VOPP1: variants seen among roughly 807,000 people sequenced by gnomAD.
VOPP1 encodes the protein WW domain binding protein VOPP1.
In VOPP1, 8 loss-of-function variants were observed where a neutral mutation model predicts 23.5. The observed-to-expected ratio is 0.34, with a 90% CI of 0.20 to 0.61. The LOEUF is 0.61. VOPP1 is among the 20% of genes least tolerant of loss of function. The probability of loss-of-function intolerance (pLI) is 0.78; values close to 1 mark genes in which losing one functional copy is unlikely to be tolerated. For missense variants in VOPP1, 174 were observed against 238.1 expected (o/e 0.73, Z 1.77); for synonymous variants, 83 against 97.3 (o/e 0.85, Z 0.86).
chr7:55,475,933 T>C (rs1240416413), intron 4 of VOPP1, among the ~76,000 whole-genome samples: 1 of 152,184 alleles, frequency 6.6e-6, no homozygotes, highest in Admixed American at 6.5e-5. Flanking sequence ...AAGGTCACGC[T>C]ACCGCTAGAG....
intron 1 of VOPP1, chr7:55,537,730 C>T (rs1041886648): frequency 6.1e-5 from 86 of 1,402,748 alleles, no homozygotes; most frequent in Non-Finnish European, 7.3e-5. Flanking sequence ...AAGAAGCCAG[C>T]GCTTGTGACA....
chr7:55,445,202 TAC>T (rs1036636091), intron 4 of VOPP1, among the ~76,000 whole-genome samples: 2 of 144,098 alleles, frequency 1.4e-5, no homozygotes, highest in Admixed American at 7.0e-5. Flanking sequence ...TCACTTTCTC[TAC>T]ACACACACAC....
chr7:55,557,152 C>A (rs751077871), intron 1 of VOPP1, among the ~76,000 whole-genome samples: 15 of 152,092 alleles, frequency 9.9e-5, no homozygotes, highest in Admixed American at 5.9e-4. Flanking sequence ...ATATTCTGAC[C>A]CCTTTCATTA....
chr7:55,482,496 T>G (rs866666312), intron 4 of VOPP1, among the ~76,000 whole-genome samples: 13 of 149,554 alleles, frequency 8.7e-5, no homozygotes, highest in African/African-American at 3.0e-4. Flanking sequence ...TTTTTTTTTT[T>G]TTTTTTTTGT....
At chr7:55,545,591 T>C (rs1339323191) in intron 1 of VOPP1, among the ~76,000 whole-genome samples, 3 of 152,014 alleles carry the variant, frequency 2.0e-5, no homozygotes, top group Non-Finnish European at 2.9e-5. Flanking sequence ...ACTAGAAAAA[T>C]AACACAGGCG....
At chr7:55,506,485 GC>G (rs545134615) in intron 2 of VOPP1, among the ~76,000 whole-genome samples, 28 of 152,066 alleles carry the variant, frequency 1.8e-4, no homozygotes, top group Non-Finnish European at 3.5e-4. Flanking sequence ...ACAGGTGTGC[GC>G]CCCCACGCCC....
Position 55,572,120 on chromosome 7 carries a change from G to C in VOPP1, c.54+151C>G, listed in dbSNP as rs1798384580. ...CGTCACCAGGGTCCCGCACCTCCCA[G>C]CTCCGGGAGGCGCGCAGGGCTGTGG... On this transcript the variant is annotated intron_variant, in intron 1 of 4. Coordinates refer to ENST00000285279, the MANE Select transcript of VOPP1 (RefSeq NM_030796.5). 3 of 523,174 alleles carry C rather than the reference G, an allele frequency of 5.7e-6. No homozygotes were observed. In the East Asian group the frequency reaches 1.1e-4, roughly 20 times the overall value. 32.4% of individuals were successfully genotyped at this position (523,174 alleles called of 1,614,324 possible). A position where few individuals can be genotyped will look rare whatever the true frequency, so the allele number is the denominator to read the frequency against.
In VOPP1 at chr7:55,497,666, A is replaced by G; in HGVS notation, c.138T>C (p.Cys46=). The G allele has an allele frequency of 6.2e-7, 1 of 1,613,604 alleles. No homozygotes were observed. Among genetic ancestry groups the G allele is most frequent in the Non-Finnish European group, 8.5e-7 (1 of 1,179,764 alleles). Residue 46 remains cysteine, a synonymous_variant, in exon 3 of 5, where the codon TGT becomes TGC. Transcript: ENST00000285279. ...GGGCCCGCACACAGCACCTGGAGCCACAGCAGTCCTCGTAGGAGCGGCATC... is the reference window on the plus strand; with the variant it reads ...GGGCCCGCACACAGCACCTGGAGCCGCAGCAGTCCTCGTAGGAGCGGCATC... ...YYICRSYEDC[C]GSRCCVRALS... is the part of the protein sequence containing the mutation.
intron 4 of VOPP1, among the ~76,000 whole-genome samples, chr7:55,477,466 T>C (rs1792350498): frequency 6.6e-6 from 1 of 152,172 alleles, no homozygotes; most frequent in Non-Finnish European, 1.5e-5. Flanking sequence ...AGTGACTGGC[T>C]GCCCCACTCA....
chr7:55,558,537 G>C (rs1023885776), intron 1 of VOPP1, among the ~76,000 whole-genome samples: 1 of 152,008 alleles, frequency 6.6e-6, no homozygotes, highest in Admixed American at 6.6e-5. Context: ...GCTTTAATCG[G>C]GGAGAGGACC....
intron 1 of VOPP1, among the ~76,000 whole-genome samples, chr7:55,549,557 A>G (rs2129053297): frequency 6.6e-6 from 1 of 152,266 alleles, no homozygotes; most frequent in East Asian, 1.9e-4. Context: ...GCTCTGCTCC[A>G]CATTCAGCCA....
At chr7:55,457,761 A>G (rs1013945554) in intron 4 of VOPP1, among the ~76,000 whole-genome samples, 1 of 152,064 alleles carries the variant, frequency 6.6e-6, no homozygotes, top group Non-Finnish European at 1.5e-5. Context: ...TCTTCTTTTG[A>G]GAAATGTCTC....
intron 4 of VOPP1, among the ~76,000 whole-genome samples, chr7:55,484,012 C>G (rs941443249): frequency 1.3e-5 from 2 of 152,208 alleles, no homozygotes; most frequent in Non-Finnish European, 2.9e-5. Flanking sequence ...CTGCCTCAGC[C>G]TCCCCAAAGT....
downstream of VOPP1, among the ~76,000 whole-genome samples, chr7:55,468,958 A>G (rs1254122654): frequency 6.6e-6 from 1 of 152,240 alleles, no homozygotes; most frequent in African/African-American, 2.4e-5. Flanking sequence ...GTGACTATCA[A>G]AGCTTTAAAA....
At chr7:55,565,279 C>G (rs540684679) in intron 1 of VOPP1, among the ~76,000 whole-genome samples, 39 of 152,322 alleles carry the variant, frequency 2.6e-4, no homozygotes, top group African/African-American at 9.4e-4. Flanking sequence ...ATTCTAGACT[C>G]TCATTTGTTG....
chr7:55,450,100 C>G (rs1791206001), intron 4 of VOPP1, among the ~76,000 whole-genome samples: 1 of 152,236 alleles, frequency 6.6e-6, no homozygotes, highest in African/African-American at 2.4e-5. Context: ...TGCATTTCAC[C>G]TACTTCCATT....
intron 4 of VOPP1, among the ~76,000 whole-genome samples, chr7:55,487,020 C>T (rs762214512): frequency 7.2e-5 from 11 of 152,174 alleles, no homozygotes; most frequent in Non-Finnish European, 1.5e-4. Context: ...TCACCATCCC[C>T]GCACGTCAGA....
chr7:55,452,884 A>C (rs1250630802), intron 4 of VOPP1, among the ~76,000 whole-genome samples: 1 of 152,244 alleles, frequency 6.6e-6, no homozygotes, highest in Non-Finnish European at 1.5e-5. Context: ...TTTTAGAATG[A>C]TAAACGAGCA....
chr7:55,447,232 T>C (rs112922256), intron 4 of VOPP1, among the ~76,000 whole-genome samples: 29 of 152,120 alleles, frequency 1.9e-4, no homozygotes, highest in African/African-American at 7.0e-4. Context: ...ACAGCAGCAG[T>C]TGGGTAAACC....
Sources: gnomAD v4.1 joint callset for allele counts (sites outside exome capture counted in the v4.1 genomes callset) on GRCh38, gnomAD v4.1.1 for gene constraint, MANE v1.5 for transcripts, NCBI Gene and HGNC (gene_info 2026-07-23, HGNC 2026-07-21) for gene names.